EXT1: variants seen among roughly 807,000 people sequenced by gnomAD.
EXT1 encodes exostosin-1.
Under a neutral mutation model 82.5 loss-of-function variants are expected in EXT1, and 20 were observed. That is an observed-to-expected ratio of 0.24 (90% CI 0.17 to 0.35). The LOEUF is 0.35. Among genes scored for constraint, EXT1 ranks in the 10% least tolerant of loss-of-function variants. The pLI is 1.00. For missense variants in EXT1, 757 were observed against 936.5 expected (o/e 0.81, Z 2.50); for synonymous variants, 348 against 350.8 (o/e 0.99, Z 0.09).
intron 1 of EXT1, among the ~76,000 whole-genome samples, chr8:118,091,439 C>T (rs757764265): frequency 6.6e-6 from 1 of 152,030 alleles, no homozygotes; most frequent in Admixed American, 6.6e-5. Context: ...TGTGTTATTA[C>T]AAAAAAATAA....
Position 117,799,471 on chromosome 8 carries a change from CT to C in EXT1, c.*240del. 5.8e-6 allele frequency: 3 copies of C among 521,600 alleles called. No individual in the cohort carries two copies. The East Asian group carries it at 9.1e-5, about 16-fold the overall frequency. 32.3% of individuals were successfully genotyped at this position (521,600 alleles called of 1,614,324 possible). ...AATTATTTAATGTTCCATAATTAAA[CT>C]GTACACAACCTAGTCTTGGGACACA... On this transcript the variant is annotated 3_prime_UTR_variant, in exon 11 of 11. Coordinates refer to ENST00000378204, the MANE Select transcript of EXT1 (RefSeq NM_000127.3).
chr8:118,016,354 C>T (rs2129846538), intron 1 of EXT1, among the ~76,000 whole-genome samples: 1 of 152,288 alleles, frequency 6.6e-6, no homozygotes, highest in East Asian at 1.9e-4. Flanking sequence ...GATCACGCCA[C>T]CGTACTCCAG....
intron 1 of EXT1, among the ~76,000 whole-genome samples, chr8:118,044,324 C>G (rs1443027025): frequency 6.6e-6 from 1 of 152,088 alleles, no homozygotes; most frequent in Non-Finnish European, 1.5e-5. Context: ...GAACTGCTGC[C>G]CCCATGGCTC....
At chr8:118,069,239 G>A (rs921515162) in intron 1 of EXT1, among the ~76,000 whole-genome samples, 1 of 152,170 alleles carries the variant, frequency 6.6e-6, no homozygotes, top group Non-Finnish European at 1.5e-5. Context: ...AACTTCCCAT[G>A]TGTAATACTT....
At chr8:118,090,261 A>G (rs1476769443) in intron 1 of EXT1, among the ~76,000 whole-genome samples, 1 of 152,098 alleles carries the variant, frequency 6.6e-6, no homozygotes, top group Admixed American at 6.5e-5. Flanking sequence ...ATCTCTAAAA[A>G]AATAAAATAA....
At chr8:117,915,768 C>T (rs1032833238) in intron 1 of EXT1, among the ~76,000 whole-genome samples, 40 of 152,106 alleles carry the variant, frequency 2.6e-4, no homozygotes, top group Non-Finnish European at 3.4e-4. Flanking sequence ...AGGCACGAGA[C>T]TCTCTTAAAC....
intron 1 of EXT1, among the ~76,000 whole-genome samples, chr8:118,092,593 C>T (rs778871341): frequency 3.3e-5 from 5 of 152,292 alleles, no homozygotes; most frequent in East Asian, 1.9e-4. Context: ...ATAAGGAGGA[C>T]GATCCAAGCC....
At chr8:117,887,009 T>C (rs886072274) in intron 1 of EXT1, among the ~76,000 whole-genome samples, 2 of 152,220 alleles carry the variant, frequency 1.3e-5, no homozygotes, top group Non-Finnish European at 2.9e-5. Context: ...TACCTTAATA[T>C]GCATCTATAT....
At chr8:117,870,850 A>ACACACACACACACAC (rs1563586222) in intron 1 of EXT1, among the ~76,000 whole-genome samples, 15 of 89,674 alleles carry the variant, frequency 1.7e-4, no homozygotes, top group African/African-American at 1.5e-3. Flanking sequence ...CACACACACA[A>ACACACACACACACAC]AAGATTGAAG....
At chr8:117,962,928 T>C (rs577254378) in intron 1 of EXT1, among the ~76,000 whole-genome samples, 2 of 152,214 alleles carry the variant, frequency 1.3e-5, no homozygotes, top group East Asian at 1.9e-4. Context: ...ACACCCCTGA[T>C]AGCATTAATT....
chr8:117,902,449 CGTGA>C (rs1469243674), intron 1 of EXT1, among the ~76,000 whole-genome samples: 1 of 152,146 alleles, frequency 6.6e-6, no homozygotes, highest in Non-Finnish European at 1.5e-5. Flanking sequence ...ACCACAAATG[CGTGA>C]GTAATGCATT....
At chr8:117,854,891 T>C (rs562801677) in intron 1 of EXT1, among the ~76,000 whole-genome samples, 1 of 152,342 alleles carries the variant, frequency 6.6e-6, no homozygotes. Context: ...GCATTTTTTT[T>C]ACCAGCAGTT....
At chr8:117,937,233 G>A (rs1459489679) in intron 1 of EXT1, among the ~76,000 whole-genome samples, 3 of 152,196 alleles carry the variant, frequency 2.0e-5, no homozygotes, top group Admixed American at 6.5e-5. Context: ...AGGATTGCAC[G>A]AGATTACCCT....
chr8:117,964,958 C>CAT (rs1384380648), intron 1 of EXT1, among the ~76,000 whole-genome samples: 1 of 152,068 alleles, frequency 6.6e-6, no homozygotes, highest in African/African-American at 2.4e-5. Context: ...GTTTTACTCA[C>CAT]TGTTATAAGT....
In EXT1 at chr8:118,111,577, C is replaced by T; in HGVS notation, c.-531G>A. 1 of 428,066 alleles carries T rather than the reference C, an allele frequency of 2.3e-6. No homozygotes were observed. Among genetic ancestry groups the T allele is most frequent in the Non-Finnish European group, 4.1e-6 (1 of 242,620 alleles). The allele number at this position is 428,066 out of a possible 1,614,324, so 26.5% of individuals were successfully genotyped here. A position where few individuals can be genotyped will look rare whatever the true frequency, so the allele number is the denominator to read the frequency against. On this transcript the variant is annotated 5_prime_UTR_variant, in exon 1 of 11. Coordinates refer to ENST00000378204, the MANE Select transcript of EXT1 (RefSeq NM_000127.3). Reference sequence around the variant, plus strand: ...CTAGTGCATCTTGCAGCTGGGGCGCCGTAACCTCACAAATCCCTGCATCTC... The same window carrying T: ...CTAGTGCATCTTGCAGCTGGGGCGCTGTAACCTCACAAATCCCTGCATCTC...
chr8:117,998,252 T>A (rs1815589475), intron 1 of EXT1, among the ~76,000 whole-genome samples: 1 of 152,088 alleles, frequency 6.6e-6, no homozygotes, highest in South Asian at 2.1e-4. Context: ...GACCTCGTGA[T>A]CCACCTGTCT....
chr8:117,848,781 C>T (rs896321622), intron 1 of EXT1, among the ~76,000 whole-genome samples: 3 of 152,166 alleles, frequency 2.0e-5, no homozygotes, highest in East Asian at 1.9e-4. Context: ...AACAGAGCAA[C>T]AGAAACCATA....
chr8:117,993,218 T>A (rs1193141859), intron 1 of EXT1, among the ~76,000 whole-genome samples: 3 of 152,198 alleles, frequency 2.0e-5, no homozygotes, highest in Non-Finnish European at 2.9e-5. Context: ...TTTCATCTCC[T>A]GCTGGCTGAT....
chr8:117,850,515 C>T (rs1425486593), intron 1 of EXT1, among the ~76,000 whole-genome samples: 1 of 152,056 alleles, frequency 6.6e-6, no homozygotes, highest in African/African-American at 2.4e-5. Flanking sequence ...CTTTTTTTCC[C>T]TGCTTAAAGG....
Sources: gnomAD v4.1 joint callset for allele counts (sites outside exome capture counted in the v4.1 genomes callset) on GRCh38, gnomAD v4.1.1 for gene constraint, MANE v1.5 for transcripts, NCBI Gene and HGNC (gene_info 2026-07-23, HGNC 2026-07-21) for gene names.